Variants in SCIN observed in about 807,000 individuals in gnomAD.
The protein encoded by SCIN is adseverin.
SCIN carries 91 observed loss-of-function variants against 91.8 expected under a neutral mutation model. The observed-to-expected ratio is 0.99, with a 90% CI of 0.84 to 1.18. SCIN has a LOEUF of 1.18. SCIN is among the 50% of genes most tolerant of loss of function. The pLI, the probability that SCIN is intolerant of heterozygous loss-of-function variation, is 0.00. For missense variants in SCIN, 1,087 were observed against 863.9 expected (o/e 1.26, Z -3.24); for synonymous variants, 367 against 312.6 (o/e 1.17, Z -1.84).
At chr7:12,580,662 C>T (rs1448952721) in intron 2 of SCIN, among the ~76,000 whole-genome samples, 1 of 152,164 alleles carries the variant, frequency 6.6e-6, no homozygotes, top group Non-Finnish European at 1.5e-5. Flanking sequence ...GTATGTGTTA[C>T]TTCTGACCCT....
chr7:12,646,623 A>T (rs527343829), intron 13 of SCIN, among the ~76,000 whole-genome samples: 9 of 152,210 alleles, frequency 5.9e-5, no homozygotes, highest in Non-Finnish European at 1.3e-4. Flanking sequence ...TCAAAAAAAA[A>T]AGTTATACTT....
intron 1 of SCIN, among the ~76,000 whole-genome samples, chr7:12,573,113 C>T (rs923067596): frequency 6.6e-6 from 1 of 152,048 alleles, no homozygotes; most frequent in Non-Finnish European, 1.5e-5. Context: ...GATGGGATTG[C>T]CCAACAGCTC....
rs1784191469 is a variant in SCIN, at chr7:12,657,570, A to AT, written c.*4856dup. Reference sequence around the variant, plus strand: ...TATATATATATATATATATATATATATATTTTTTTTTTTTTTTTTTTTTTT... The same window carrying AT: ...TATATATATATATATATATATATATATTATTTTTTTTTTTTTTTTTTTTTTT... On this transcript the variant is annotated 3_prime_UTR_variant, in exon 16 of 16. Coordinates refer to ENST00000297029, the MANE Select transcript of SCIN (RefSeq NM_001112706.3). 40 of 20,852 alleles carry AT rather than the reference A, an allele frequency of 1.9e-3. No homozygotes were observed. Among genetic ancestry groups the AT allele is most frequent in the Non-Finnish European group, 3.1e-3 (28 of 9,148 alleles). The allele number at this position is 20,852 out of a possible 1,614,324, so 1.3% of individuals were successfully genotyped here. A position where few individuals can be genotyped will look rare whatever the true frequency, so the allele number is the denominator to read the frequency against.
At position 12,651,742 on chromosome 7, in the gene SCIN, G is replaced by A; in HGVS notation, c.1960-99G>A. On this transcript the variant is annotated intron_variant, in intron 14 of 15. Transcript: ENST00000297029. This position sits in a 1 kb window ranked among gnomAD's most constrained non-coding sequence, Gnocchi z 5.9. ...CCCTAACTTCTGCGGATATTGTGAA[G>A]ATTGAATGAGCAATGTGTGTGTGAA... is the stretch of plus-strand genomic sequence containing the variant. 2.8e-6 allele frequency: 2 copies of A among 725,104 alleles called. No individual in the cohort carries two copies. Among genetic ancestry groups the A allele is most frequent in the Non-Finnish European group, 4.6e-6 (2 of 430,820 alleles). 44.9% of individuals were successfully genotyped at this position (725,104 alleles called of 1,614,324 possible).
At chr7:12,630,808 T>C (rs1783626609) in intron 9 of SCIN, among the ~76,000 whole-genome samples, 1 of 152,224 alleles carries the variant, frequency 6.6e-6, no homozygotes, top group African/African-American at 2.4e-5. Context: ...TAAATCTTAA[T>C]CTATTGGTCT....
In SCIN at chr7:12,658,407, C is replaced by T. The variant is rs1176544207; in HGVS notation, c.*5692C>T. On this transcript the variant is annotated 3_prime_UTR_variant, in exon 16 of 16. Coordinates refer to ENST00000297029, the MANE Select transcript of SCIN (RefSeq NM_001112706.3). ...GGGTTTCACTGGAGTATTGACACACCAAAGATGCTATGTAGGTGAAAATCT... is the reference window on the plus strand; with the variant it reads ...GGGTTTCACTGGAGTATTGACACACTAAAGATGCTATGTAGGTGAAAATCT... 1.3e-5 allele frequency: 2 copies of T among 152,140 alleles called. No individual in the cohort carries two copies. Among genetic ancestry groups the T allele is most frequent in the Non-Finnish European group, 2.9e-5 (2 of 68,042 alleles). The allele number at this position is 152,140 out of a possible 1,614,324, so 9.4% of individuals were successfully genotyped here.
At chr7:12,589,763 G>T (rs1024022412) in intron 3 of SCIN, among the ~76,000 whole-genome samples, 5 of 152,118 alleles carry the variant, frequency 3.3e-5, no homozygotes, top group African/African-American at 1.2e-4. Context: ...TCGGCTTGTT[G>T]GCAGAGGAGA....
At chr7:12,634,135 G>A (rs542164096) in intron 9 of SCIN, among the ~76,000 whole-genome samples, 1 of 152,204 alleles carries the variant, frequency 6.6e-6, no homozygotes, top group South Asian at 2.1e-4. Context: ...TTCCGAGTAT[G>A]GAACAGTTTA....
intron 1 of SCIN, among the ~76,000 whole-genome samples, chr7:12,573,007 G>GAA (rs901856695): frequency 6.8e-6 from 1 of 147,916 alleles, no homozygotes; most frequent in African/African-American, 2.5e-5. Context: ...AGCCTTTAGA[G>GAA]AAAAAAAAAA....
rs1783588681 is a variant in SCIN at position 12,629,025 on chromosome 7, A to C, written c.1198-76A>C. ...TGTTTAATAATGGATTTGAACCAAA[A>C]ATTATTTAAAGCTTATGAGAAATAT... On this transcript the variant is annotated intron_variant, in intron 8 of 15. Transcript: ENST00000297029. The C allele has an allele frequency of 7.8e-6, 10 of 1,276,140 alleles. No individual in the cohort carries two copies. The Admixed American group carries it at 3.0e-4, about 38-fold the overall frequency. 79.1% of individuals were successfully genotyped at this position (1,276,140 alleles called of 1,614,324 possible).
At chr7:12,599,448 A>G (rs1195091918) in intron 3 of SCIN, among the ~76,000 whole-genome samples, 1 of 151,922 alleles carries the variant, frequency 6.6e-6, no homozygotes, top group East Asian at 1.9e-4. Context: ...CTGGTCCCAT[A>G]TTCTTGCAAT....
In SCIN at chr7:12,652,915, C is replaced by A; in HGVS notation, c.*200C>A. On this transcript the variant is annotated 3_prime_UTR_variant, in exon 16 of 16. Coordinates refer to ENST00000297029, the MANE Select transcript of SCIN (RefSeq NM_001112706.3). The stretch of plus-strand genomic sequence containing the variant: ...GTCAGGATTTCGAGACCAGCCTGGC[C>A]AACATGGCGAAACCTCGCCTCTACT... The A allele has an allele frequency of 1.8e-6, 1 of 542,366 alleles. No individual in the cohort carries two copies. The highest frequency in any genetic ancestry group is 3.1e-6 in the Non-Finnish European group (1 of 323,654). 33.6% of individuals were successfully genotyped at this position (542,366 alleles called of 1,614,324 possible).
In SCIN at chr7:12,604,534, T is replaced by A; in HGVS notation, c.537T>A (p.Gly179=). The change falls in exon 4 of 16, where the codon GGT becomes GGA. Residue 179 remains glycine (G), a synonymous_variant. Transcript: ENST00000297029. ...TTTAGGAAATTTATCAGTGGTGTGGTTCCTCGTGCAACAAATATGAACGTC... is the reference window on the plus strand; with the variant it reads ...TTTAGGAAATTTATCAGTGGTGTGGATCCTCGTGCAACAAATATGAACGTC... ...DLGTEIYQWC[G]SSCNKYERLK... is the part of the protein sequence containing the mutation. The A allele has an allele frequency of 6.4e-7, 1 of 1,551,706 alleles. No individual in the cohort carries two copies. Among genetic ancestry groups the A allele is most frequent in the Non-Finnish European group, 8.7e-7 (1 of 1,147,000 alleles).
intron 13 of SCIN, 69 bp from the exon 14 acceptor site, chr7:12,649,398 A>G: frequency 1.1e-6 from 1 of 934,958 alleles, no homozygotes; most frequent in Non-Finnish European, 1.6e-6. Flanking sequence ...AATACAGGGC[A>G]TTTCTATCCT....
At chr7:12,628,162 G>C (rs849760) in intron 8 of SCIN, among the ~76,000 whole-genome samples, 87,048 of 151,690 alleles carry the variant, frequency 0.57, 25,369 homozygotes, top group Non-Finnish European at 0.61. Context: ...GTTGGAGGGT[G>C]TTTAATCTGT....
At chr7:12,643,775 C>T (rs1382411662) in intron 11 of SCIN, among the ~76,000 whole-genome samples, 3 of 152,200 alleles carry the variant, frequency 2.0e-5, no homozygotes, top group African/African-American at 4.8e-5. Flanking sequence ...TTTCCTCCTC[C>T]GTCTCAGCTG....
Position 12,630,753 on chromosome 7 carries a change from A to C in SCIN, c.1319+1531A>C, listed in dbSNP as rs371693212. On this transcript the variant is annotated intron_variant, in intron 9 of 15. Transcript: ENST00000297029. ...CAGGGGAGATTAGACAGATTAAGTAATTTAACTCAAAGTCACAGCTGTTGT... is the reference window on the plus strand; with the variant it reads ...CAGGGGAGATTAGACAGATTAAGTACTTTAACTCAAAGTCACAGCTGTTGT... Among the ~76,000 whole-genome samples the C allele has an allele frequency of 1.8e-4, 27 of 152,310 alleles. 1 individual carries two copies. In the East Asian group the frequency reaches 3.5e-3, roughly 20 times the overall value.
intron 2 of SCIN, among the ~76,000 whole-genome samples, chr7:12,578,476 A>T (rs953801833): frequency 1.2e-4 from 18 of 152,158 alleles, no homozygotes; most frequent in African/African-American, 4.1e-4. Flanking sequence ...TTTTTAAAAG[A>T]GCTTTCAGTT....
intron 1 of SCIN, among the ~76,000 whole-genome samples, chr7:12,576,998 G>T (rs527683933): frequency 6.6e-6 from 1 of 152,116 alleles, no homozygotes; most frequent in African/African-American, 2.4e-5. Flanking sequence ...CCTCCTGACT[G>T]TCCGTACTGT....
Sources: allele counts gnomAD v4.1 joint callset (sites outside exome capture counted in the v4.1 genomes callset), GRCh38; gene constraint gnomAD v4.1.1; non-coding constraint Gnocchi (gnomAD v3.1); transcripts MANE v1.5; gene names NCBI Gene and HGNC (gene_info 2026-07-23, HGNC 2026-07-21).